Variants in ARHGEF3 observed in about 807,000 individuals in gnomAD.
ARHGEF3 encodes 59.8 kDA protein.
ARHGEF3 carries 28 observed loss-of-function variants against 63.2 expected under a neutral mutation model. The observed-to-expected ratio is 0.44, with a 90% CI of 0.33 to 0.61. ARHGEF3 has a LOEUF of 0.61. Ranked by LOEUF, ARHGEF3 falls within the 20% of genes least tolerant of loss-of-function variation. The probability of loss-of-function intolerance (pLI) is 0.03; values close to 1 mark genes in which losing one functional copy is unlikely to be tolerated. For missense variants in ARHGEF3, 533 were observed against 659.3 expected, an observed-to-expected ratio of 0.81 and a Z score of 2.10; for synonymous variants, 266 against 254.2, an observed-to-expected ratio of 1.05 and a Z score of -0.44.
intron 3 of ARHGEF3, among the ~76,000 whole-genome samples, chr3:56,921,068 A>C (rs930740688): frequency 6.6e-6 from 1 of 150,884 alleles, no homozygotes; most frequent in East Asian, 1.9e-4. Context: ...AAAAAAAAAA[A>C]AAAAAAAAAC....
chr3:57,033,823 T>C (rs992504863), intron 2 of ARHGEF3, among the ~76,000 whole-genome samples: 1 of 152,104 alleles, frequency 6.6e-6, no homozygotes, highest in Non-Finnish European at 1.5e-5. Context: ...GGTAGGTAGA[T>C]CACCTGAGGT....
At chr3:56,808,123 C>CAAA (rs201541052) in intron 4 of ARHGEF3, among the ~76,000 whole-genome samples, 1 of 114,750 alleles carries the variant, frequency 8.7e-6, no homozygotes, top group Non-Finnish European at 1.9e-5. Context: ...GACTCTGTCT[C>CAAA]AAAAAAAAAA....
chr3:56,921,788 G>A (rs959395945), intron 3 of ARHGEF3, among the ~76,000 whole-genome samples: 8 of 152,210 alleles, frequency 5.3e-5, no homozygotes, highest in Non-Finnish European at 1.2e-4. Context: ...ATAAAATGAT[G>A]AGAAGAATGT....
intron 1 of ARHGEF3, among the ~76,000 whole-genome samples, chr3:56,779,253 A>AAT (rs10662727): frequency 0.2 from 30,310 of 151,910 alleles, 3,662 homozygotes; most frequent in African/African-American, 0.35. Flanking sequence ...TGACCATTTT[A>AAT]ATATATATAT....
chr3:56,866,728 C>A (rs1324807957), intron 4 of ARHGEF3, among the ~76,000 whole-genome samples: 1 of 152,200 alleles, frequency 6.6e-6, no homozygotes, highest in Non-Finnish European at 1.5e-5. Flanking sequence ...TTGATAACTC[C>A]TTACAAGCAT....
At chr3:56,899,881 C>T (rs777469606) in intron 3 of ARHGEF3, among the ~76,000 whole-genome samples, 1 of 152,188 alleles carries the variant, frequency 6.6e-6, no homozygotes, top group African/African-American at 2.4e-5. Context: ...CCTCTGTCTG[C>T]CCAGTCATGG....
At chr3:56,995,628 A>AGAGAGC (rs1209363127) in intron 2 of ARHGEF3, among the ~76,000 whole-genome samples, 1 of 43,420 alleles carries the variant, frequency 2.3e-5, no homozygotes, top group African/African-American at 6.3e-5. Flanking sequence ...TCCGAGAGAG[A>AGAGAGC]GAGAGAGAGA....
At chr3:56,876,776 T>C (rs577918577) in intron 4 of ARHGEF3, among the ~76,000 whole-genome samples, 4 of 151,794 alleles carry the variant, frequency 2.6e-5, no homozygotes, top group Non-Finnish European at 4.4e-5. Flanking sequence ...CCCACCAGCA[T>C]AGAAAAGATG....
At chr3:56,906,845 A>AAG (rs1358059952) in intron 3 of ARHGEF3, among the ~76,000 whole-genome samples, 30 of 151,860 alleles carry the variant, frequency 2.0e-4, no homozygotes, top group African/African-American at 6.8e-4. Flanking sequence ...TCAAAAAAAA[A>AAG]AAAGAAAGAA....
chr3:56,964,202 A>C (rs908714855), intron 2 of ARHGEF3, among the ~76,000 whole-genome samples: 2 of 152,046 alleles, frequency 1.3e-5, no homozygotes, highest in African/African-American at 4.8e-5. Flanking sequence ...AAAAATGCAG[A>C]AATTACTGTA....
chr3:57,044,207 A>G (rs1704349054), intron 1 of ARHGEF3, among the ~76,000 whole-genome samples: 1 of 152,264 alleles, frequency 6.6e-6, no homozygotes, highest in Non-Finnish European at 1.5e-5. Context: ...GAACACATTC[A>G]GTGAACTGTG....
intron 1 of ARHGEF3, among the ~76,000 whole-genome samples, chr3:56,793,448 C>A (rs948733310): frequency 6.6e-6 from 1 of 151,798 alleles, no homozygotes; most frequent in African/African-American, 2.4e-5. Flanking sequence ...GGATTACAGG[C>A]GTGAGCCACC....
chr3:56,950,960 T>C (rs1429294065), intron 3 of ARHGEF3, among the ~76,000 whole-genome samples: 1 of 151,936 alleles, frequency 6.6e-6, no homozygotes, highest in Non-Finnish European at 1.5e-5. Flanking sequence ...TAAAAAGTTA[T>C]GAGTTCATGT....
At chr3:56,955,013 C>A (rs1423869262) in intron 3 of ARHGEF3, among the ~76,000 whole-genome samples, 1 of 152,060 alleles carries the variant, frequency 6.6e-6, no homozygotes. Flanking sequence ...CCTCAGCCAC[C>A]CAGATCTTGC....
intron 3 of ARHGEF3, among the ~76,000 whole-genome samples, chr3:56,927,458 AAGTAT>A (rs2042303462): frequency 6.6e-6 from 1 of 152,090 alleles, no homozygotes; most frequent in Admixed American, 6.6e-5. Context: ...TCTTATATAA[AAGTAT>A]AATATATAAC....
intron 3 of ARHGEF3, among the ~76,000 whole-genome samples, chr3:56,906,259 C>T (rs1342611064): frequency 1.3e-5 from 2 of 152,172 alleles, no homozygotes; most frequent in African/African-American, 4.8e-5. Flanking sequence ...GTACTAGTCA[C>T]ATTTCAAGTG....
At position 56,807,876 on chromosome 3, in the gene ARHGEF3, C is replaced by A. The variant is rs554161479; in HGVS notation, c.193-34060G>T. Among the ~76,000 whole-genome samples, 4 of 152,312 alleles carry A rather than the reference C, an allele frequency of 2.6e-5. No individual in the cohort carries two copies. The South Asian group carries it at 8.3e-4, about 32-fold the overall frequency. ...CAGTGGCTCATGCCTGTAATCCCAG[C>A]ACTTTGGGAGGCCAAGGCGGGTGGA... On this transcript the variant is annotated intron_variant, in intron 4 of 12. Coordinates refer to the ARHGEF3 transcript ENST00000338458.
rs776139488 is a variant in ARHGEF3 at position 56,729,470 on chromosome 3, G to T, written c.1381C>A (p.Leu461Ile). The change falls in exon 10 of 10, where the codon CTT (leucine) becomes ATT (isoleucine). Residue 461 changes from leucine (L) to isoleucine (I), a missense_variant. Coordinates refer to ENST00000296315, the MANE Select transcript of ARHGEF3 (RefSeq NM_019555.3). The stretch of plus-strand genomic sequence containing the variant: ...TTTAGGAACGATCCCTCGGAGTCAA[G>T]CACCCCAGCTTGCCCGGCAGCACAC... ...VLCAAGQAGV[L>I]DSEGSFLNPT... 1 of 1,614,048 alleles carries T rather than the reference G, an allele frequency of 6.2e-7. No homozygotes were observed. Among genetic ancestry groups the T allele is most frequent in the Non-Finnish European group, 8.5e-7 (1 of 1,180,038 alleles).
intron 1 of ARHGEF3, chr3:57,079,044 G>T (rs1325756206): frequency 1.8e-5 from 6 of 340,890 alleles, no homozygotes; most frequent in Non-Finnish European, 2.1e-5. Flanking sequence ...GGGACGCCGA[G>T]ACCTAGCAGG....
Sources: allele counts gnomAD v4.1 joint callset (sites outside exome capture counted in the v4.1 genomes callset), GRCh38; gene constraint gnomAD v4.1.1; transcripts MANE v1.5; gene names NCBI Gene and HGNC (gene_info 2026-07-23, HGNC 2026-07-21).